The following DPYD variants were observed in gnomAD, a reference collection of about 807,000 sequenced individuals.
DPYD encodes dihydropyrimidine dehydrogenase.
In DPYD, 109 loss-of-function variants were observed where a neutral mutation model predicts 116.2. The ratio of observed to expected loss-of-function variants is 0.94; its 90% confidence interval spans 0.80 to 1.10. DPYD has a LOEUF of 1.10. DPYD is among the 50% of genes least tolerant of loss of function. DPYD has a pLI of 0.00. For synonymous variants in DPYD, 440 were observed against 432.0 expected (o/e 1.02, Z -0.23); for missense variants, 1,302 against 1,254.5 (o/e 1.04, Z -0.57).
intron 3 of DPYD, among the ~76,000 whole-genome samples, chr1:97,819,220 ACTCTT>A (rs1403262255): frequency 6.6e-6 from 1 of 151,822 alleles, no homozygotes; most frequent in East Asian, 1.9e-4. Context: ...ACAAGAGAAT[ACTCTT>A]CTCTGCTGAT....
At chr1:97,217,604 T>A (rs976889694) in intron 19 of DPYD, among the ~76,000 whole-genome samples, 4 of 152,100 alleles carry the variant, frequency 2.6e-5, no homozygotes, top group African/African-American at 9.7e-5. Context: ...TGTTTGCTTA[T>A]TTTTTATTCC....
intron 20 of DPYD, among the ~76,000 whole-genome samples, chr1:97,181,587 C>T (rs2101799842): frequency 6.6e-6 from 1 of 152,198 alleles, no homozygotes; most frequent in South Asian, 2.1e-4. Context: ...TCAAACAAAA[C>T]TAAGCTAGTA....
intron 1 of DPYD, among the ~76,000 whole-genome samples, chr1:97,887,469 TAAAAAAAAAAAAAA>T (rs57316508): frequency 6.4e-5 from 3 of 47,150 alleles, no homozygotes; most frequent in African/African-American, 2.5e-4. Flanking sequence ...GACTCTGCAT[TAAAAAAAAAAAAAA>T]AAAAAAAAAA....
intron 2 of DPYD, among the ~76,000 whole-genome samples, chr1:97,859,881 T>A (rs1671034817): frequency 6.6e-6 from 1 of 152,126 alleles, no homozygotes; most frequent in Non-Finnish European, 1.5e-5. Context: ...ATTTAATAAT[T>A]TTTCCTCAGA....
At chr1:97,498,488 CTCTG>C (rs1356831382) in intron 13 of DPYD, among the ~76,000 whole-genome samples, 6 of 115,158 alleles carry the variant, frequency 5.2e-5, no homozygotes, top group African/African-American at 1.3e-4. Context: ...CTCTCTCTTT[CTCTG>C]TGTGTGTGTG....
intron 16 of DPYD, among the ~76,000 whole-genome samples, chr1:97,330,445 A>G (rs1473185774): frequency 6.6e-6 from 1 of 152,170 alleles, no homozygotes; most frequent in Non-Finnish European, 1.5e-5. Flanking sequence ...AATAATCCTT[A>G]TTTGATGATA....
chr1:97,384,610 A>T (rs1193946795), intron 14 of DPYD, among the ~76,000 whole-genome samples: 5 of 152,146 alleles, frequency 3.3e-5, no homozygotes, highest in African/African-American at 1.2e-4. Flanking sequence ...AAACAATTGA[A>T]AACTGCTGGC....
At chr1:97,425,211 C>A (rs925477959) in intron 14 of DPYD, among the ~76,000 whole-genome samples, 1 of 152,002 alleles carries the variant, frequency 6.6e-6, no homozygotes, top group Non-Finnish European at 1.5e-5. Flanking sequence ...GATGTTACCA[C>A]ATTTCAACTA....
chr1:97,536,616 A>C (rs1650018183), intron 12 of DPYD, among the ~76,000 whole-genome samples: 1 of 152,236 alleles, frequency 6.6e-6, no homozygotes, highest in Admixed American at 6.5e-5. Flanking sequence ...AGAACACTGC[A>C]GCTGGCTGTC....
At chr1:97,423,467 G>A (rs1674693179) in intron 14 of DPYD, among the ~76,000 whole-genome samples, 1 of 152,052 alleles carries the variant, frequency 6.6e-6, no homozygotes, top group African/African-American at 2.4e-5. Flanking sequence ...AAATGACATT[G>A]CTTCCCTCCT....
intron 2 of DPYD, among the ~76,000 whole-genome samples, chr1:97,866,334 A>ATC (rs1671376154): frequency 6.6e-6 from 1 of 151,922 alleles, no homozygotes; most frequent in South Asian, 2.1e-4. Context: ...AATGAGTTAG[A>ATC]GGTATGACAA....
intron 13 of DPYD, among the ~76,000 whole-genome samples, chr1:97,489,693 C>G (rs1386041518): frequency 2.0e-5 from 3 of 152,162 alleles, no homozygotes; most frequent in Non-Finnish European, 2.9e-5. Flanking sequence ...AGTTTTACTT[C>G]TGTTACATGC....
chr1:97,396,821 C>T (rs1673034481), intron 14 of DPYD, among the ~76,000 whole-genome samples: 1 of 151,982 alleles, frequency 6.6e-6, no homozygotes, highest in South Asian at 2.1e-4. Flanking sequence ...CAGCTCCTAC[C>T]TACTTCTCAA....
intron 18 of DPYD, among the ~76,000 whole-genome samples, chr1:97,246,027 G>A (rs1004075983): frequency 1.3e-5 from 2 of 152,076 alleles, no homozygotes; most frequent in Non-Finnish European, 2.9e-5. Flanking sequence ...TCTTTGGCCT[G>A]TACAACTCTC....
intron 16 of DPYD, among the ~76,000 whole-genome samples, chr1:97,352,678 C>T (rs1228488626): frequency 6.6e-6 from 1 of 151,298 alleles, no homozygotes; most frequent in African/African-American, 2.4e-5. Context: ...TTTCCCCTTC[C>T]CTACTTTGTG....
At chr1:97,220,685 T>C (rs557274962) in intron 19 of DPYD, among the ~76,000 whole-genome samples, 1 of 152,320 alleles carries the variant, frequency 6.6e-6, no homozygotes, top group South Asian at 2.1e-4. Context: ...ATAAACTTTT[T>C]AAAAGAAGCT....
chr1:97,699,175 C>A (rs1661457734), intron 6 of DPYD, among the ~76,000 whole-genome samples, 176 bp downstream of exon 6: 1 of 152,004 alleles, frequency 6.6e-6, no homozygotes, highest in Non-Finnish European at 1.5e-5. Flanking sequence ...TTGCTTCAAG[C>A]CAACTGCAAA....
intron 19 of DPYD, among the ~76,000 whole-genome samples, chr1:97,229,161 G>T (rs1028822748): frequency 2.2e-5 from 3 of 136,274 alleles, no homozygotes; most frequent in African/African-American, 8.2e-5. Flanking sequence ...CTGAGATTGC[G>T]TCACTGCACT....
At chr1:97,089,708 T>C (rs1027158536) in intron 21 of DPYD, among the ~76,000 whole-genome samples, 2 of 152,132 alleles carry the variant, frequency 1.3e-5, no homozygotes, top group African/African-American at 4.8e-5. Context: ...TATGCTATTA[T>C]GCATTGGAAA....
Sources: allele counts gnomAD v4.1 joint callset (sites outside exome capture counted in the v4.1 genomes callset), GRCh38; gene constraint gnomAD v4.1.1; transcripts MANE v1.5; gene names NCBI Gene and HGNC (gene_info 2026-07-23, HGNC 2026-07-21).